Variants in GALNT13 observed in about 807,000 individuals in gnomAD.
The protein encoded by GALNT13 is UDP-GalNAc:polypeptide N-acetylgalactosaminyltransferase 13.
A neutral mutation model predicts 64.2 loss-of-function variants in GALNT13; 28 were observed. That is an observed-to-expected ratio of 0.44 (90% confidence interval 0.32 to 0.60). GALNT13 has a LOEUF of 0.60. GALNT13 is among the 20% of genes least tolerant of loss of function. The pLI is 0.05. For missense variants in GALNT13, 577 were observed against 669.8 expected (o/e 0.86, Z 1.53); for synonymous variants, 214 against 224.6 (o/e 0.95, Z 0.42).
chr2:153,504,275 G>C, the GALNT13 span, among the ~76,000 whole-genome samples: 1 of 152,144 alleles, frequency 6.6e-6, no homozygotes, highest in Non-Finnish European at 1.5e-5. Context: ...AGTTCTAGAA[G>C]CTTTTTGGAT....
At chr2:153,347,868 T>G in the GALNT13 span, among the ~76,000 whole-genome samples, 27 of 152,190 alleles carry the variant, frequency 1.8e-4, no homozygotes, top group Non-Finnish European at 3.5e-4. Context: ...TGCATATTAT[T>G]ATCTATGTGA....
chr2:153,802,053 A>G, the GALNT13 span, among the ~76,000 whole-genome samples: 1 of 152,190 alleles, frequency 6.6e-6, no homozygotes, highest in African/African-American at 2.4e-5. Context: ...TTAGTCAGCC[A>G]TTATAGTCGT....
the GALNT13 span, among the ~76,000 whole-genome samples, chr2:153,837,334 T>C: frequency 6.6e-6 from 1 of 152,106 alleles, no homozygotes; most frequent in South Asian, 2.1e-4. Context: ...TCATATCCTT[T>C]GCCCAGTTTT....
intron 3 of GALNT13, among the ~76,000 whole-genome samples, chr2:153,963,292 T>C (rs538185606): frequency 6.6e-6 from 1 of 152,314 alleles, no homozygotes; most frequent in African/African-American, 2.4e-5. Context: ...CCATAGCATA[T>C]GGATGGAGTA....
chr2:153,825,690 G>C, the GALNT13 span, among the ~76,000 whole-genome samples: 1 of 150,778 alleles, frequency 6.6e-6, no homozygotes, highest in Non-Finnish European at 1.5e-5. Context: ...TTTTGGGCAG[G>C]CCAGAAATGC....
At chr2:154,212,461 C>T (rs1267848410) in intron 4 of GALNT13, among the ~76,000 whole-genome samples, 2 of 152,096 alleles carry the variant, frequency 1.3e-5, no homozygotes, top group Admixed American at 1.3e-4. Context: ...TCAGGCTGGT[C>T]TCGAACTCCT....
At chr2:154,442,502 C>G (rs560863727) in intron 12 of GALNT13, among the ~76,000 whole-genome samples, 4 of 152,022 alleles carry the variant, frequency 2.6e-5, no homozygotes, top group Non-Finnish European at 5.9e-5. Context: ...GGGGTACCTA[C>G]GTGGTCTGGA....
rs755502445 is a variant in GALNT13 at position 154,409,224 on chromosome 2, C to T, written c.1395+142C>T. 1.5e-5 allele frequency: 10 copies of T among 683,632 alleles called. No individual in the cohort carries two copies. In the South Asian group the frequency reaches 1.6e-4, roughly 11 times the overall value. 42.3% of individuals were successfully genotyped at this position (683,632 alleles called of 1,614,324 possible). On this transcript the variant is annotated intron_variant, in intron 11 of 12. Transcript: ENST00000392825. ...ACACTCAAATCTAGAACTAATTTGG[C>T]TATTTTATTGTCCCAAGGATCTTAA...
chr2:153,436,444 A>G, the GALNT13 span, among the ~76,000 whole-genome samples: 1 of 152,174 alleles, frequency 6.6e-6, no homozygotes, highest in Non-Finnish European at 1.5e-5. Flanking sequence ...TTCGGCTGTG[A>G]ATCCATCTGG....
chr2:153,440,505 A>G, the GALNT13 span, among the ~76,000 whole-genome samples: 1 of 152,196 alleles, frequency 6.6e-6, no homozygotes, highest in South Asian at 2.1e-4. Context: ...TTCTGGTTCT[A>G]GATCCTTGAG....
intron 4 of GALNT13, among the ~76,000 whole-genome samples, chr2:154,184,503 T>C (rs1686143222): frequency 6.6e-6 from 1 of 152,204 alleles, no homozygotes; most frequent in African/African-American, 2.4e-5. Context: ...ATTTTTTTCT[T>C]TTCATAGTGA....
intron 4 of GALNT13, among the ~76,000 whole-genome samples, chr2:154,207,154 T>C (rs983927830): frequency 5.3e-5 from 8 of 152,184 alleles, no homozygotes; most frequent in Admixed American, 2.0e-4. Context: ...GGATAAAGTC[T>C]AAATCCCTAG....
chr2:153,932,626 CTTT>C (rs34617568), intron 2 of GALNT13, among the ~76,000 whole-genome samples: 13 of 95,616 alleles, frequency 1.4e-4, no homozygotes, highest in Middle Eastern at 6.9e-3. Context: ...TTCTGTCTTT[CTTT>C]TTTTTTTTTT....
At chr2:153,297,821 G>A in the GALNT13 span, among the ~76,000 whole-genome samples, 1 of 152,186 alleles carries the variant, frequency 6.6e-6, no homozygotes, top group Admixed American at 6.5e-5. Flanking sequence ...TTTGTAGATA[G>A]CAAGAGCAGG....
chr2:153,227,999 T>G, the GALNT13 span, among the ~76,000 whole-genome samples: 1 of 152,230 alleles, frequency 6.6e-6, no homozygotes, highest in Non-Finnish European at 1.5e-5. Flanking sequence ...GTTGTTCTAT[T>G]CCTTATAAGT....
chr2:153,203,674 C>T, the GALNT13 span, among the ~76,000 whole-genome samples: 1 of 152,140 alleles, frequency 6.6e-6, no homozygotes, highest in Non-Finnish European at 1.5e-5. Flanking sequence ...TTGCCTAAGA[C>T]TAATTTCCAT....
chr2:153,654,989 T>C, the GALNT13 span, among the ~76,000 whole-genome samples: 3 of 152,150 alleles, frequency 2.0e-5, no homozygotes, highest in South Asian at 4.1e-4. Flanking sequence ...ACCTAACTTA[T>C]GTTAAGTATT....
chr2:153,833,603 C>G, the GALNT13 span, among the ~76,000 whole-genome samples: 3 of 152,198 alleles, frequency 2.0e-5, no homozygotes, highest in South Asian at 4.2e-4. Context: ...TTATCACAAG[C>G]ATGTATGTAT....
In GALNT13 at chr2:154,140,583, GATT is replaced by G. The variant is rs1307398396; in HGVS notation, c.311+81_311+83del. On this transcript the variant is annotated intron_variant, in intron 4 of 12. Transcript: ENST00000392825. ...GAATCTCAGAACTTGAGCTAACTCA[GATT>G]ATATCAATTCTAGCAATGTGTGGTT... The G allele has an allele frequency of 5.9e-6, 6 of 1,010,350 alleles. No individual in the cohort carries two copies. The Admixed American group carries it at 1.1e-4, about 19-fold the overall frequency. The allele number at this position is 1,010,350 out of a possible 1,614,324, so 62.6% of individuals were successfully genotyped here. A position where few individuals can be genotyped will look rare whatever the true frequency, so the allele number is the denominator to read the frequency against.
Sources: gnomAD v4.1 joint callset for allele counts (sites outside exome capture counted in the v4.1 genomes callset) on GRCh38, gnomAD v4.1.1 for gene constraint, MANE v1.5 for transcripts, NCBI Gene and HGNC (gene_info 2026-07-23, HGNC 2026-07-21) for gene names.